SMURF2: variants seen among roughly 807,000 people sequenced by gnomAD.
SMURF2 encodes E3 ubiquitin-protein ligase SMURF2.
In SMURF2, 48 loss-of-function variants were observed where a neutral mutation model predicts 109.6. That is an observed-to-expected ratio of 0.44 (90% CI 0.35 to 0.56). The LOEUF (loss-of-function observed/expected upper bound fraction) is 0.56. Ranked by LOEUF, SMURF2 falls within the 20% of genes least tolerant of loss-of-function variation. The pLI, the probability that SMURF2 is intolerant of heterozygous loss-of-function variation, is 0.01. For synonymous variants in SMURF2, 288 were observed against 317.1 expected, an observed-to-expected ratio of 0.91 and a Z score of 0.97; for missense variants, 575 against 909.0, an observed-to-expected ratio of 0.63 and a Z score of 4.72.
At position 64,662,123 on chromosome 17, in the gene SMURF2, GGCCGCCCGC is replaced by G. The variant is rs1010898242; in HGVS notation, c.-252_-244del. On this transcript the variant is annotated 5_prime_UTR_variant, in exon 1 of 19. Coordinates refer to ENST00000262435, the MANE Select transcript of SMURF2 (RefSeq NM_022739.4). ...GGCCGCACAACAAAGCGGCAGCCGC[GGCCGCCCGC>G]GCCGCCTCCGCCCGCGCCCCCGCCG... 9.6e-7 allele frequency: 1 copy of G among 1,039,376 alleles called. No individual in the cohort carries two copies. Among genetic ancestry groups the G allele is most frequent in the African/African-American group, 1.7e-5 (1 of 57,964 alleles). 64.4% of individuals were successfully genotyped at this position (1,039,376 alleles called of 1,614,324 possible).
Position 64,606,634 on chromosome 17 carries a change from C to T in SMURF2, c.59G>A (p.Cys20Tyr). The T allele has an allele frequency of 6.6e-7, 1 of 1,517,818 alleles. No homozygotes were observed. Among genetic ancestry groups the T allele is most frequent in the Admixed American group, 2.1e-5 (1 of 47,058 alleles). The allele number at this position is 1,517,818 out of a possible 1,614,324, so 94.0% of individuals were successfully genotyped here. ...GPVKLRLTVL[C>Y]AKNLVKKDFF... ...ATCCTTTTTCACCAGGTTTTTTGCA[C>T]AGAGTACTGTAAAAAAAAAAAACAA... Residue 20 changes from cysteine to tyrosine, a missense_variant, in exon 2 of 19, where the codon TGT (cysteine) becomes TAT (tyrosine). Around this residue, in one of 5 missense-constraint regions of SMURF2, gnomAD observed 30 missense variants for 34.5 expected, o/e 0.87. Coordinates refer to ENST00000262435, the MANE Select transcript of SMURF2 (RefSeq NM_022739.4).
chr17:64,566,959 C>T (rs919056056), intron 10 of SMURF2, among the ~76,000 whole-genome samples: 2 of 151,644 alleles, frequency 1.3e-5, no homozygotes, highest in Non-Finnish European at 2.9e-5. Context: ...CACCCTCTAC[C>T]TCCCAGGTTC....
At chr17:64,549,646 C>T (rs1969012113) in intron 16 of SMURF2, among the ~76,000 whole-genome samples, 1 of 152,110 alleles carries the variant, frequency 6.6e-6, no homozygotes, top group South Asian at 2.1e-4. Context: ...GTCCCAGTTA[C>T]TCAGGAGGCT....
At chr17:64,622,281 C>G (rs1970217099) in intron 1 of SMURF2, among the ~76,000 whole-genome samples, 1 of 151,940 alleles carries the variant, frequency 6.6e-6, no homozygotes, top group African/African-American at 2.4e-5. Context: ...TCCACACTCA[C>G]TTATCCTATC....
intron 15 of SMURF2, among the ~76,000 whole-genome samples, 164 bp from the exon 16 acceptor site, chr17:64,551,868 C>T (rs1356353052): frequency 2.6e-5 from 4 of 152,114 alleles, no homozygotes; most frequent in Non-Finnish European, 4.4e-5. Flanking sequence ...GATAAATGAA[C>T]CCTGAGGTGT....
chr17:64,568,232 C>T (rs532060294), intron 10 of SMURF2, among the ~76,000 whole-genome samples: 10 of 152,254 alleles, frequency 6.6e-5, no homozygotes, highest in South Asian at 2.1e-4. Context: ...TCAGGCAATC[C>T]GCCCGCCTCA....
intron 1 of SMURF2, among the ~76,000 whole-genome samples, chr17:64,646,072 T>G (rs1378744891): frequency 1.4e-5 from 2 of 145,108 alleles, no homozygotes; most frequent in Non-Finnish European, 3.0e-5. Flanking sequence ...TTCTTATAAT[T>G]TTTTTTTTTT....
intron 9 of SMURF2, chr17:64,573,160 AGGG>A (rs1555685723): frequency 1.3e-3 from 29 of 22,522 alleles, no homozygotes; most frequent in Middle Eastern, 0.033. Flanking sequence ...GAGGAGGAGG[AGGG>A]GGAGGAGGAG....
At position 64,545,741 on chromosome 17, in the gene SMURF2, G is replaced by T. The variant is rs868922045; in HGVS notation, c.*107C>A. ...TAAAAAAAAAAAAAAAAAGGGGGGG[G>T]GGGGGAGTGTTTTCCTGTATTTCAG... On this transcript the variant is annotated 3_prime_UTR_variant, in exon 19 of 19. Coordinates refer to ENST00000262435, the MANE Select transcript of SMURF2 (RefSeq NM_022739.4). 17 of 393,026 alleles carry T rather than the reference G, an allele frequency of 4.3e-5. No individual in the cohort carries two copies. Among genetic ancestry groups the T allele is most frequent in the Admixed American group, 3.7e-4 (10 of 27,008 alleles). 24.3% of individuals were successfully genotyped at this position (393,026 alleles called of 1,614,324 possible). A position where few individuals can be genotyped will look rare whatever the true frequency, so the allele number is the denominator to read the frequency against.
intron 1 of SMURF2, among the ~76,000 whole-genome samples, chr17:64,640,918 A>AC (rs1251121715): frequency 7.1e-6 from 1 of 141,292 alleles, no homozygotes; most frequent in Non-Finnish European, 1.5e-5. Context: ...ACTCCATCTC[A>AC]AAAAAAAAAA....
At chr17:64,648,057 T>A (rs145496512) in intron 1 of SMURF2, among the ~76,000 whole-genome samples, 110 of 38,938 alleles carry the variant, frequency 2.8e-3, no homozygotes, top group African/African-American at 0.013. Context: ...ACCCTATCTC[T>A]TAAAAAAAAA....
rs1300335474 is a variant in SMURF2 at position 64,583,165 on chromosome 17, T to C, written c.569+296A>G. Among the ~76,000 whole-genome samples the C allele has an allele frequency of 2.0e-5, 3 of 152,094 alleles. No individual in the cohort carries two copies. In the East Asian group the frequency reaches 5.8e-4, roughly 29 times the overall value. On this transcript the variant is annotated intron_variant, in intron 7 of 18. Coordinates refer to ENST00000262435, the MANE Select transcript of SMURF2 (RefSeq NM_022739.4). Reference sequence around the variant, plus strand: ...CCTTGGCCTCCCAAAGTGCAGGGATTACAGGCAGCCTCGAAAAGTGCAGGG... The same window carrying C: ...CCTTGGCCTCCCAAAGTGCAGGGATCACAGGCAGCCTCGAAAAGTGCAGGG...
intron 1 of SMURF2, among the ~76,000 whole-genome samples, chr17:64,647,222 T>C (rs1359998062): frequency 1.3e-5 from 2 of 151,976 alleles, no homozygotes; most frequent in East Asian, 1.9e-4. Context: ...GTCTTCTTCC[T>C]TGCTAGAAAA....
chr17:64,585,121 G>A (rs1361058025), intron 6 of SMURF2, among the ~76,000 whole-genome samples: 4 of 152,116 alleles, frequency 2.6e-5, no homozygotes, highest in Admixed American at 6.5e-5. Flanking sequence ...TACTTCAATG[G>A]ATGCAATTTA....
intron 1 of SMURF2, among the ~76,000 whole-genome samples, chr17:64,639,803 C>T (rs60730273): frequency 0.037 from 5,635 of 152,186 alleles, 357 homozygotes; most frequent in African/African-American, 0.13. Flanking sequence ...TTCCCAAGTA[C>T]CCGTTACTGT....
chr17:64,555,300 C>T (rs1969103258), intron 14 of SMURF2, among the ~76,000 whole-genome samples: 1 of 152,234 alleles, frequency 6.6e-6, no homozygotes, highest in Non-Finnish European at 1.5e-5. Flanking sequence ...CTACTCGGTA[C>T]TGTACTCCAA....
chr17:64,591,913 C>A (rs1317256044), intron 4 of SMURF2, among the ~76,000 whole-genome samples: 1 of 152,122 alleles, frequency 6.6e-6, no homozygotes, highest in Non-Finnish European at 1.5e-5. Context: ...TTGATAAATT[C>A]AATATTACTG....
intron 1 of SMURF2, among the ~76,000 whole-genome samples, chr17:64,612,041 A>G (rs1970051543): frequency 6.6e-6 from 1 of 152,146 alleles, no homozygotes; most frequent in Admixed American, 6.5e-5. Context: ...CCTGGTCTCA[A>G]AAGGGAAGGA....
chr17:64,615,432 C>A (rs1459400269), intron 1 of SMURF2, among the ~76,000 whole-genome samples: 4 of 152,198 alleles, frequency 2.6e-5, no homozygotes, highest in African/African-American at 9.7e-5. Context: ...TTCAGGATAA[C>A]ATTCCTATAC....
Sources: allele counts gnomAD v4.1 joint callset (sites outside exome capture counted in the v4.1 genomes callset), GRCh38; gene constraint gnomAD v4.1.1; regional missense constraint gnomAD v4.1.1; transcripts MANE v1.5; gene names NCBI Gene and HGNC (gene_info 2026-07-23, HGNC 2026-07-21).